PAPPA: variants seen among roughly 807,000 people sequenced by gnomAD.
The protein encoded by PAPPA is pappalysin 1, also known as pappalysin-1.
Under a neutral mutation model 164.0 loss-of-function variants are expected in PAPPA, and 60 were observed. The ratio of observed to expected loss-of-function variants is 0.37; its 90% CI spans 0.30 to 0.45. The LOEUF is 0.45. Ranked by LOEUF, PAPPA falls within the 20% of genes least tolerant of loss-of-function variation. PAPPA has a pLI of 1.00. For synonymous variants in PAPPA, 875 were observed against 814.1 expected (o/e 1.07, Z -1.27); for missense variants, 1,782 against 2,087.3 (o/e 0.85, Z 2.85).
At chr9:116,300,099 A>T (rs944899914) in intron 9 of PAPPA, among the ~76,000 whole-genome samples, 1 of 152,086 alleles carries the variant, frequency 6.6e-6, no homozygotes, top group African/African-American at 2.4e-5. Flanking sequence ...GTTATACGAT[A>T]TGTAGAGTGG....
At chr9:116,363,595 A>G (rs569688105) in intron 18 of PAPPA, among the ~76,000 whole-genome samples, 8 of 152,310 alleles carry the variant, frequency 5.3e-5, no homozygotes, top group Admixed American at 2.6e-4. Context: ...AGTGATGCTG[A>G]CCTTTTGGGC....
Position 116,271,369 on chromosome 9 carries a change from AT to A in PAPPA, c.2907del (p.Asp969GlufsTer87). 1 of 1,614,058 alleles carries A rather than the reference AT, an allele frequency of 6.2e-7. No individual in the cohort carries two copies. ...GACGACATGAATAAGATCAATGGTG[AT>A]GGCTGCTCCCTTTTCTGCCGACAAG... Reference protein sequence around the residue: ...QCDDMNKINGDGCSLFCRQEV... With the variant: ...QCDDMNKINGXGCSLFCRQEV... On this transcript the variant is annotated frameshift_variant, in exon 9 of 22. Coordinates refer to ENST00000328252, the MANE Select transcript of PAPPA (RefSeq NM_002581.5). LOFTEE classifies it high-confidence loss of function. The surrounding 1 kb of genome is among the most constrained non-coding windows in gnomAD (Gnocchi z 4.2).
chr9:116,394,877 A>C (rs1225326113), intron 21 of PAPPA, among the ~76,000 whole-genome samples: 4 of 152,204 alleles, frequency 2.6e-5, no homozygotes, highest in African/African-American at 9.6e-5. Flanking sequence ...TGGATCAATG[A>C]ATACAAATTT....
At chr9:116,192,536 C>T (rs915835408) in intron 2 of PAPPA, among the ~76,000 whole-genome samples, 2 of 152,146 alleles carry the variant, frequency 1.3e-5, no homozygotes, top group Non-Finnish European at 1.5e-5. Flanking sequence ...TGTGCCAGCC[C>T]GATCACTGCC....
At position 116,397,703 on chromosome 9, in the gene PAPPA, G is replaced by GA. The variant is rs1381459457; in HGVS notation, c.*1090dup. ...GACATCAGATGCTGGAACCCTCACT[G>GA]AAAGTCCAGAATGTCTAAGCCAGTG... On this transcript the variant is annotated 3_prime_UTR_variant, in exon 22 of 22. Coordinates refer to ENST00000328252, the MANE Select transcript of PAPPA (RefSeq NM_002581.5). The GA allele has an allele frequency of 2.0e-5, 3 of 152,658 alleles. No homozygotes were observed. Among genetic ancestry groups the GA allele is most frequent in the Non-Finnish European group, 4.4e-5 (3 of 68,042 alleles). 9.5% of individuals were successfully genotyped at this position (152,658 alleles called of 1,614,324 possible). A position where few individuals can be genotyped will look rare whatever the true frequency, so the allele number is the denominator to read the frequency against.
At chr9:116,169,704 T>C (rs1160207061) in intron 1 of PAPPA, among the ~76,000 whole-genome samples, 1 of 151,414 alleles carries the variant, frequency 6.6e-6, no homozygotes. Flanking sequence ...AATCTTCACC[T>C]AGAATATAAG....
At position 116,154,133 on chromosome 9, in the gene PAPPA, C is replaced by T. The variant is rs1402172163; in HGVS notation, c.-40C>T. The stretch of plus-strand genomic sequence containing the variant: ...TCCCAAAGCTGGCAGCTCCGGGTGG[C>T]GGTGCAGGGGCGAAGGGGGGGCGGG... On this transcript the variant is annotated 5_prime_UTR_variant, in exon 1 of 22. Transcript: ENST00000328252. The surrounding 1 kb of genome is among the most constrained non-coding windows in gnomAD (Gnocchi z 5.2). The T allele has an allele frequency of 1.8e-5, 7 of 382,728 alleles. No individual in the cohort carries two copies. The African/African-American group carries it at 2.1e-4, about 11-fold the overall frequency. 23.7% of individuals were successfully genotyped at this position (382,728 alleles called of 1,614,324 possible).
chr9:116,364,626 C>G (rs1846475278), intron 18 of PAPPA, among the ~76,000 whole-genome samples: 1 of 152,132 alleles, frequency 6.6e-6, no homozygotes, highest in Non-Finnish European at 1.5e-5. Flanking sequence ...CAAAACATAT[C>G]AAACACACAG....
intron 1 of PAPPA, among the ~76,000 whole-genome samples, chr9:116,166,666 G>A (rs1296757268): frequency 6.6e-6 from 1 of 152,180 alleles, no homozygotes; most frequent in African/African-American, 2.4e-5. Context: ...CACTTACTAT[G>A]TGCTGGCACT....
intron 7 of PAPPA, among the ~76,000 whole-genome samples, chr9:116,260,664 A>G (rs1844990773): frequency 6.6e-6 from 1 of 152,178 alleles, no homozygotes; most frequent in Non-Finnish European, 1.5e-5. Context: ...TAAGGATACA[A>G]CACAACACTC....
chr9:116,228,046 A>T (rs538815461), intron 6 of PAPPA, among the ~76,000 whole-genome samples: 2 of 152,212 alleles, frequency 1.3e-5, no homozygotes, highest in Middle Eastern at 3.4e-3. Context: ...GGATCTATTT[A>T]CCTGTAAGAC....
intron 19 of PAPPA, among the ~76,000 whole-genome samples, chr9:116,371,061 C>G (rs750486193): frequency 6.6e-6 from 1 of 152,148 alleles, no homozygotes; most frequent in Non-Finnish European, 1.5e-5. Context: ...AACTGAAATG[C>G]CACCTGAACC....
chr9:116,191,385 T>C (rs1216830283), intron 2 of PAPPA, among the ~76,000 whole-genome samples: 1 of 152,114 alleles, frequency 6.6e-6, no homozygotes, highest in African/African-American at 2.4e-5. Context: ...GGCCTTGTGG[T>C]CTTGGGGTTG....
At position 116,400,873 on chromosome 9, in the gene PAPPA, G is replaced by A. The variant is rs1433419178; in HGVS notation, c.*4257G>A. The A allele has an allele frequency of 1.3e-5, 2 of 152,592 alleles. No homozygotes were observed. The highest frequency in any genetic ancestry group is 2.9e-5 in the Non-Finnish European group (2 of 68,028). 9.5% of individuals were successfully genotyped at this position (152,592 alleles called of 1,614,324 possible). A position where few individuals can be genotyped will look rare whatever the true frequency, so the allele number is the denominator to read the frequency against. ...CAGTTTGCTCAGTGATCTTGAACAA[G>A]TTATCCAATTGCCTCTACATTTGCA... On this transcript the variant is annotated 3_prime_UTR_variant, in exon 22 of 22. Coordinates refer to ENST00000328252, the MANE Select transcript of PAPPA (RefSeq NM_002581.5).
At chr9:116,370,909 T>A (rs1186337734) in intron 19 of PAPPA, among the ~76,000 whole-genome samples, 1 of 152,160 alleles carries the variant, frequency 6.6e-6, no homozygotes, top group African/African-American at 2.4e-5. Context: ...TAAATATTTA[T>A]GATTGCTGAG....
chr9:116,358,752 C>A (rs1846385092), intron 17 of PAPPA, among the ~76,000 whole-genome samples: 1 of 152,188 alleles, frequency 6.6e-6, no homozygotes, highest in Admixed American at 6.5e-5. Context: ...CTTCATCCCA[C>A]TGGGGTACAA....
intron 8 of PAPPA, among the ~76,000 whole-genome samples, chr9:116,269,971 G>A (rs1420259303): frequency 2.0e-5 from 3 of 152,228 alleles, no homozygotes; most frequent in Non-Finnish European, 2.9e-5. Flanking sequence ...CCATCTTAAG[G>A]ATTGATTGCA....
chr9:116,220,236 T>A, intron 5 of PAPPA, 107 bp downstream of exon 5: 1 of 863,648 alleles, frequency 1.2e-6, no homozygotes, highest in Non-Finnish European at 1.8e-6. Flanking sequence ...CATTTCTTGT[T>A]CTTGTTCAAA....
chr9:116,211,552 A>G (rs1844307128), intron 3 of PAPPA, 87 bp from the exon 4 acceptor site: 2 of 1,180,856 alleles, frequency 1.7e-6, no homozygotes, highest in East Asian at 2.4e-5. Flanking sequence ...TTTGGGCAGC[A>G]TCTCTTTATC....
Sources: allele counts gnomAD v4.1 joint callset (sites outside exome capture counted in the v4.1 genomes callset), GRCh38; gene constraint gnomAD v4.1.1; non-coding constraint Gnocchi (gnomAD v3.1); transcripts MANE v1.5; gene names NCBI Gene and HGNC (gene_info 2026-07-23, HGNC 2026-07-21).